The following RBFOX1 variants were observed in gnomAD, a reference collection of about 807,000 sequenced individuals.
RBFOX1 encodes the protein RNA binding protein fox-1 homolog 1.
Under a neutral mutation model 57.7 loss-of-function variants are expected in RBFOX1, and 8 were observed. The ratio of observed to expected loss-of-function variants is 0.14; its 90% CI spans 0.08 to 0.25. The LOEUF is 0.25. RBFOX1 is among the 10% of genes least tolerant of loss of function. RBFOX1 has a pLI of 1.00. For missense variants in RBFOX1, 611 were observed against 548.5 expected, an observed-to-expected ratio of 1.11 and a Z score of -1.14; for synonymous variants, 326 against 222.4, an observed-to-expected ratio of 1.47 and a Z score of -4.15.
At chr16:7,013,081 T>G (rs1164761724) in intron 3 of RBFOX1, among the ~76,000 whole-genome samples, 1 of 152,164 alleles carries the variant, frequency 6.6e-6, no homozygotes, top group African/African-American at 2.4e-5. Context: ...ATCTTACTTT[T>G]ATGATGTTAT....
intron 2 of RBFOX1, among the ~76,000 whole-genome samples, chr16:6,352,562 GA>G (rs1231160461): frequency 1.2e-4 from 19 of 152,210 alleles, no homozygotes; most frequent in African/African-American, 4.6e-4. Flanking sequence ...GCTGTGAGTG[GA>G]GATAGCAAAA....
chr16:6,896,931 A>G (rs1492373), intron 3 of RBFOX1, among the ~76,000 whole-genome samples: 82,495 of 151,980 alleles, frequency 0.54, 24,199 homozygotes, highest in African/African-American at 0.77. Context: ...GAAAGAAAGC[A>G]AAGAAACTCT....
chr16:7,594,223 T>C (rs1203169954), intron 7 of RBFOX1, among the ~76,000 whole-genome samples: 2 of 151,398 alleles, frequency 1.3e-5, no homozygotes, highest in East Asian at 3.9e-4. Context: ...AGAGAACTAA[T>C]GTAGGACTGG....
At chr16:6,519,672 G>T (rs2096462054) in intron 2 of RBFOX1, among the ~76,000 whole-genome samples, 1 of 152,158 alleles carries the variant, frequency 6.6e-6, no homozygotes, top group African/African-American at 2.4e-5. Flanking sequence ...CTGCACTGCA[G>T]TCTGGGTGAC....
intron 3 of RBFOX1, among the ~76,000 whole-genome samples, chr16:6,715,236 C>A (rs969254503): frequency 1.3e-4 from 19 of 150,738 alleles, no homozygotes; most frequent in African/African-American, 4.7e-4. Flanking sequence ...ATGAATCTTT[C>A]CCTGAGGCAA....
rs191852367 is a variant in RBFOX1, at chr16:6,657,227, C to G, written c.-16+2577C>G. 3.3e-3 allele frequency among the ~76,000 whole-genome samples: 494 copies of G among 151,546 alleles called. 5 individuals carry two copies. Among genetic ancestry groups the G allele is most frequent in the African/African-American group, 0.011 (471 of 41,230 alleles). On this transcript the variant is annotated intron_variant, in intron 3 of 15. Transcript: ENST00000550418. ...GTCTTCCTTCCTCCCTCCTTCCTTCCTTCTTTTTCCTTCCTTCAAATTCCC... is the reference window on the plus strand; with the variant it reads ...GTCTTCCTTCCTCCCTCCTTCCTTCGTTCTTTTTCCTTCCTTCAAATTCCC...
rs373923613 is a variant in RBFOX1, at chr16:5,730,977, G to A, written c.318+132016G>A. 3.0e-3 allele frequency among the ~76,000 whole-genome samples: 441 copies of A among 146,370 alleles called. 2 individuals carry two copies. Among genetic ancestry groups the A allele is most frequent in the Non-Finnish European group, 4.5e-3 (290 of 65,014 alleles). ...TATCACCACCGTCATCATCGTTACC[G>A]TCACTACCATCATCACCATTACCAC... On this transcript the variant is annotated intron_variant, in intron 3 of 19. Transcript: ENST00000641259.
At chr16:5,989,171 A>AT (rs2060339430) in intron 4 of RBFOX1, among the ~76,000 whole-genome samples, 1 of 151,600 alleles carries the variant, frequency 6.6e-6, no homozygotes, top group Non-Finnish European at 1.5e-5. Flanking sequence ...AAAAAAAAAA[A>AT]ATACAAAAAA....
At chr16:6,493,289 G>T (rs1051000376) in intron 2 of RBFOX1, among the ~76,000 whole-genome samples, 2 of 152,148 alleles carry the variant, frequency 1.3e-5, no homozygotes, top group African/African-American at 4.8e-5. Context: ...TCTTTGGAAT[G>T]GGGTGGTGGG....
At chr16:6,892,464 G>A (rs528065079) in intron 3 of RBFOX1, among the ~76,000 whole-genome samples, 13 of 152,092 alleles carry the variant, frequency 8.5e-5, no homozygotes, top group South Asian at 2.1e-4. Context: ...GAGGTCAGAC[G>A]TTTGAGACCA....
At chr16:6,076,531 G>T (rs545210621) in intron 1 of RBFOX1, among the ~76,000 whole-genome samples, 3 of 151,944 alleles carry the variant, frequency 2.0e-5, no homozygotes, top group Non-Finnish European at 4.4e-5. Context: ...ACAGTGGTGC[G>T]ATCATAGCTC....
intron 2 of RBFOX1, among the ~76,000 whole-genome samples, chr16:6,623,123 G>A (rs1199187091): frequency 1.3e-5 from 2 of 152,130 alleles, no homozygotes; most frequent in Non-Finnish European, 2.9e-5. Context: ...AAACATATGG[G>A]TGGACTGGCA....
chr16:7,693,922 T>C (rs576022878), intron 14 of RBFOX1, among the ~76,000 whole-genome samples: 1 of 152,332 alleles, frequency 6.6e-6, no homozygotes, highest in South Asian at 2.1e-4. Flanking sequence ...ATCTCTCAAG[T>C]AGCAGGACTT....
chr16:6,435,956 G>A (rs1359463207), intron 2 of RBFOX1, among the ~76,000 whole-genome samples: 1 of 152,052 alleles, frequency 6.6e-6, no homozygotes, highest in Non-Finnish European at 1.5e-5. Context: ...CTTAGCATGT[G>A]ATGGTTTTTC....
At chr16:6,080,227 G>A (rs1396679013) in intron 1 of RBFOX1, among the ~76,000 whole-genome samples, 1 of 152,124 alleles carries the variant, frequency 6.6e-6, no homozygotes, top group Non-Finnish European at 1.5e-5. Flanking sequence ...TTTCCTTCCT[G>A]ATCCCACAGA....
chr16:5,890,065 C>G (rs776058697), intron 4 of RBFOX1, among the ~76,000 whole-genome samples: 10 of 152,166 alleles, frequency 6.6e-5, no homozygotes, highest in Non-Finnish European at 1.3e-4. Flanking sequence ...TGTGTTCCAG[C>G]TTCACCACGA....
intron 3 of RBFOX1, among the ~76,000 whole-genome samples, chr16:6,945,481 T>G (rs921132482): frequency 1.3e-5 from 2 of 149,146 alleles, no homozygotes; most frequent in Admixed American, 6.7e-5. Context: ...TTTTTTTTTT[T>G]GTAAAATGGG....
At chr16:7,497,728 T>C (rs2069159581) in intron 4 of RBFOX1, among the ~76,000 whole-genome samples, 2 of 152,214 alleles carry the variant, frequency 1.3e-5, no homozygotes, top group Non-Finnish European at 2.9e-5. Flanking sequence ...ACTGAGACTT[T>C]TAAAAAGAAC....
chr16:6,984,518 T>C (rs557543862), intron 3 of RBFOX1, among the ~76,000 whole-genome samples: 1 of 152,294 alleles, frequency 6.6e-6, no homozygotes, highest in South Asian at 2.1e-4. Flanking sequence ...TCCTCACCTT[T>C]AGTAGTCACT....
Sources: gnomAD v4.1 joint callset for allele counts (sites outside exome capture counted in the v4.1 genomes callset) on GRCh38, gnomAD v4.1.1 for gene constraint, MANE v1.5 for transcripts, NCBI Gene and HGNC (gene_info 2026-07-23, HGNC 2026-07-21) for gene names.